CUL1: variants seen among roughly 807,000 people sequenced by gnomAD.
The protein encoded by CUL1 is cullin-1.
In CUL1, 24 loss-of-function variants were observed where a neutral mutation model predicts 118.0. The ratio of observed to expected loss-of-function variants is 0.20; its 90% confidence interval spans 0.15 to 0.29. CUL1 has a LOEUF of 0.29. CUL1 is among the 10% of genes least tolerant of loss of function. CUL1 has a pLI of 1.00. For synonymous variants in CUL1, 332 were observed against 340.4 expected (o/e 0.98, Z 0.27); for missense variants, 361 against 933.8 (o/e 0.39, Z 7.99).
In CUL1 at chr7:148,792,718, C is replaced by T; in HGVS notation, c.1807-8C>T. ...CCTTCTTTTTCTTTTATATGGGGGGCCGCAAAGGCGTCGACATTCCAGATG... is the reference window on the plus strand; with the variant it reads ...CCTTCTTTTTCTTTTATATGGGGGGTCGCAAAGGCGTCGACATTCCAGATG... On this transcript the variant is annotated splice_region_variant and splice_polypyrimidine_tract_variant and intron_variant, in intron 16 of 21. Coordinates refer to ENST00000325222, the MANE Select transcript of CUL1 (RefSeq NM_003592.3). 2 of 1,604,464 alleles carry T rather than the reference C, an allele frequency of 1.2e-6. No homozygotes were observed. Among genetic ancestry groups the T allele is most frequent in the South Asian group, 1.1e-5 (1 of 88,794 alleles).
intron 9 of CUL1, among the ~76,000 whole-genome samples, chr7:148,771,262 C>T (rs1800202752): frequency 6.6e-6 from 1 of 152,224 alleles, no homozygotes; most frequent in African/African-American, 2.4e-5. Context: ...ACCAGCTTTA[C>T]TGCTAATACC....
chr7:148,725,245 A>ACACACACACACACACACACC (rs1563151095), intron 1 of CUL1, among the ~76,000 whole-genome samples: 3 of 151,256 alleles, frequency 2.0e-5, no homozygotes, highest in Non-Finnish European at 2.9e-5. Context: ...ACACACACAC[A>ACACACACACACACACACACC]CACCCGTACC....
At chr7:148,751,831 A>G (rs1469415550) in intron 2 of CUL1, among the ~76,000 whole-genome samples, 3 of 152,180 alleles carry the variant, frequency 2.0e-5, no homozygotes, top group Admixed American at 2.0e-4. Context: ...AATGTAGAAC[A>G]TGGCCAGACG....
chr7:148,717,423 T>C (rs193249973), intron 1 of CUL1, among the ~76,000 whole-genome samples: 1 of 152,326 alleles, frequency 6.6e-6, no homozygotes, highest in African/African-American at 2.4e-5. Context: ...TTCAAAAGTA[T>C]AAATTTGAGC....
At chr7:148,781,436 T>A (rs1800629261) in intron 9 of CUL1, among the ~76,000 whole-genome samples, 1 of 152,154 alleles carries the variant, frequency 6.6e-6, no homozygotes, top group Non-Finnish European at 1.5e-5. Flanking sequence ...TCCTCCCATC[T>A]CACCAGCCAG....
intron 1 of CUL1, among the ~76,000 whole-genome samples, chr7:148,710,252 G>A (rs889334110): frequency 1.2e-4 from 19 of 152,144 alleles, no homozygotes; most frequent in Middle Eastern, 3.4e-3. Flanking sequence ...ACAAAGAAAG[G>A]TGCATCTTGA....
chr7:148,742,598 G>GTT (rs59592789), intron 2 of CUL1, among the ~76,000 whole-genome samples: 17 of 112,166 alleles, frequency 1.5e-4, no homozygotes, highest in South Asian at 3.5e-4. Context: ...ACCTTTTCTG[G>GTT]TTTTTTTTTT....
At chr7:148,703,017 G>A (rs951116697) in intron 1 of CUL1, among the ~76,000 whole-genome samples, 1 of 152,212 alleles carries the variant, frequency 6.6e-6, no homozygotes, top group Non-Finnish European at 1.5e-5. Context: ...CTGAGACTTT[G>A]AGTGGTGCAG....
rs181010234 is a variant in CUL1, at chr7:148,787,191, G to A, written c.1479+71G>A. 3.2e-4 allele frequency: 479 copies of A among 1,519,074 alleles called. 5 individuals are homozygous for A. The Middle Eastern group carries it at 3.3e-3, about 11-fold the overall frequency. 94.1% of individuals were successfully genotyped at this position (1,519,074 alleles called of 1,614,324 possible). A position where few individuals can be genotyped will look rare whatever the true frequency, so the allele number is the denominator to read the frequency against. On this transcript the variant is annotated intron_variant, in intron 13 of 21. Transcript: ENST00000325222. This position sits in a 1 kb window ranked among gnomAD's most constrained non-coding sequence, Gnocchi z 5.5. ...TTAAAACAGCTCTATGGCCGAGCGC[G>A]GTGGCTCATGCCTGTAATCCCAGCA... is the stretch of plus-strand genomic sequence containing the variant.
intron 7 of CUL1, among the ~76,000 whole-genome samples, chr7:148,765,176 G>C (rs1278835200): frequency 6.6e-6 from 1 of 152,166 alleles, no homozygotes; most frequent in African/African-American, 2.4e-5. Context: ...CGTGTAATAA[G>C]GTTCTGACTT....
intron 1 of CUL1, among the ~76,000 whole-genome samples, chr7:148,706,687 G>A (rs892400506): frequency 2.7e-5 from 4 of 150,240 alleles, no homozygotes; most frequent in East Asian, 3.9e-4. Flanking sequence ...TGGGGGCGGC[G>A]GGGGGCGGGG....
At chr7:148,759,451 C>A in intron 5 of CUL1, 97 bp downstream of exon 5, 1 of 1,433,080 alleles carries the variant, frequency 7.0e-7, no homozygotes, top group Non-Finnish European at 9.8e-7. Context: ...ATTATCCCAT[C>A]TTACATTGTT....
At chr7:148,720,270 A>G (rs1375884909) in intron 1 of CUL1, among the ~76,000 whole-genome samples, 1 of 152,116 alleles carries the variant, frequency 6.6e-6, no homozygotes, top group Non-Finnish European at 1.5e-5. Flanking sequence ...TGGAGGATGG[A>G]TTGGAGGGGA....
intron 16 of CUL1, among the ~76,000 whole-genome samples, chr7:148,791,492 A>G (rs1801007028): frequency 6.6e-6 from 1 of 152,244 alleles, no homozygotes; most frequent in African/African-American, 2.4e-5. Flanking sequence ...CCCCAAATAT[A>G]CATAGAAGAA....
chr7:148,784,177 G>A (rs1800745211), intron 11 of CUL1, 100 bp downstream of exon 11: 3 of 953,834 alleles, frequency 3.1e-6, no homozygotes, highest in Non-Finnish European at 4.8e-6. Flanking sequence ...CATTAAATTG[G>A]AATTTTTGTA....
intron 9 of CUL1, among the ~76,000 whole-genome samples, chr7:148,775,218 T>C (rs1423727862): frequency 2.0e-5 from 3 of 152,230 alleles, no homozygotes; most frequent in Non-Finnish European, 4.4e-5. Context: ...CGTGATTAAA[T>C]AACTGAGTCT....
chr7:148,773,170 A>G (rs1800275586), intron 9 of CUL1, among the ~76,000 whole-genome samples: 1 of 152,166 alleles, frequency 6.6e-6, no homozygotes, highest in Non-Finnish European at 1.5e-5. Flanking sequence ...AACAAAGCAG[A>G]ATAAAGCCCT....
intron 4 of CUL1, among the ~76,000 whole-genome samples, chr7:148,758,480 A>G (rs137997801): frequency 4.2e-4 from 64 of 152,272 alleles, no homozygotes; most frequent in African/African-American, 1.5e-3. Context: ...ATATCCAGGC[A>G]TGGTGACGCA....
At chr7:148,717,091 G>C (rs182765051) in intron 1 of CUL1, among the ~76,000 whole-genome samples, 1 of 143,448 alleles carries the variant, frequency 7.0e-6, no homozygotes, top group East Asian at 2.1e-4. Flanking sequence ...ATGGAATCTC[G>C]CTCTGTCACC....
Sources: gnomAD v4.1 joint callset for allele counts (sites outside exome capture counted in the v4.1 genomes callset) on GRCh38, gnomAD v4.1.1 for gene constraint, Gnocchi (gnomAD v3.1) non-coding constraint, MANE v1.5 for transcripts, NCBI Gene and HGNC (gene_info 2026-07-23, HGNC 2026-07-21) for gene names.